ABHD2: variants seen among roughly 807,000 people sequenced by gnomAD.
ABHD2 encodes the protein monoacylglycerol lipase ABHD2.
A neutral mutation model predicts 48.1 loss-of-function variants in ABHD2; 20 were observed. That is an observed-to-expected ratio of 0.42 (90% CI 0.29 to 0.60). ABHD2 has a LOEUF of 0.60. Among genes scored for constraint, ABHD2 ranks in the 20% least tolerant of loss-of-function variants. ABHD2 has a pLI of 0.24. For synonymous variants in ABHD2, 209 were observed against 214.2 expected (o/e 0.98, Z 0.21); for missense variants, 405 against 550.9 (o/e 0.74, Z 2.65).
intron 3 of ABHD2, among the ~76,000 whole-genome samples, chr15:89,138,916 G>C (rs67271213): frequency 0.19 from 28,885 of 151,010 alleles, 2,987 homozygotes; most frequent in Admixed American, 0.3. Context: ...GCTCAGAATT[G>C]TGAAGATTAA....
chr15:89,145,230 T>A (rs2050471457), intron 3 of ABHD2, among the ~76,000 whole-genome samples: 1 of 152,216 alleles, frequency 6.6e-6, no homozygotes, highest in Admixed American at 6.5e-5. Context: ...CACTCCAGCC[T>A]GGGCTACAGA....
Position 89,114,765 on chromosome 15 carries a change from G to C in ABHD2, c.-7+941G>C, listed in dbSNP as rs1313529491. 6.6e-6 allele frequency among the ~76,000 whole-genome samples: 1 copy of C among 152,194 alleles called. No homozygotes were observed. Among genetic ancestry groups the C allele is most frequent in the Non-Finnish European group, 1.5e-5 (1 of 68,032 alleles). On this transcript the variant is annotated intron_variant, in intron 2 of 10. Coordinates refer to ENST00000352732, the MANE Select transcript of ABHD2 (RefSeq NM_152924.5). This position sits in a 1 kb window ranked among gnomAD's most constrained non-coding sequence, Gnocchi z 4.2. ...TCCCAAAGTGCATGATTACAGGCAT[G>C]AGCCATGGTGCCCAGCCCAGAAGTT...
the ABHD2 span, among the ~76,000 whole-genome samples, chr15:89,058,672 G>C: frequency 2.0e-5 from 3 of 152,146 alleles, no homozygotes; most frequent in Admixed American, 2.0e-4. Flanking sequence ...TCTGGGTTGT[G>C]ACAGGCCAAG....
chr15:89,059,101 A>G, the ABHD2 span, among the ~76,000 whole-genome samples: 5 of 152,176 alleles, frequency 3.3e-5, no homozygotes. Context: ...AAGAAGCTCA[A>G]AAAGCCAAAT....
chr15:89,130,254 C>G (rs963837081), intron 3 of ABHD2, among the ~76,000 whole-genome samples: 7 of 152,188 alleles, frequency 4.6e-5, no homozygotes, highest in African/African-American at 1.7e-4. Context: ...ACTCATGCTA[C>G]GTGTTTATTT....
At chr15:89,079,263 C>T in the ABHD2 span, among the ~76,000 whole-genome samples, 1,620 of 152,296 alleles carry the variant, frequency 0.011, 14 homozygotes, top group Middle Eastern at 0.027. The surrounding 1 kb of genome is among the most constrained non-coding windows in gnomAD (Gnocchi z 4.3). Context: ...TAATCAAAGC[C>T]GCATAGGAAA....
chr15:89,201,786 C>T lies in ABHD2; in HGVS notation c.*6363C>T. 6 of 1,458,532 alleles carry T rather than the reference C, an allele frequency of 4.1e-6. No individual in the cohort carries two copies. Among genetic ancestry groups the T allele is most frequent in the Non-Finnish European group, 5.8e-6 (6 of 1,041,878 alleles). The allele number at this position is 1,458,532 out of a possible 1,614,324, so 90.3% of individuals were successfully genotyped here. A position where few individuals can be genotyped will look rare whatever the true frequency, so the allele number is the denominator to read the frequency against. On this transcript the variant is annotated 3_prime_UTR_variant, in exon 11 of 11. Coordinates refer to ENST00000352732, the MANE Select transcript of ABHD2 (RefSeq NM_152924.5). ...GATCTGCTCGTGCTTCGCCGTGGCC[C>T]CGGAGGCAGACGCCATTGGAGAGAC...
In ABHD2 at chr15:89,120,104, T is replaced by TC. The variant is rs770647888; in HGVS notation, c.194+3584dup. Among the ~76,000 whole-genome samples the TC allele has an allele frequency of 7.9e-4, 121 of 152,336 alleles. No individual in the cohort carries two copies. The Middle Eastern group carries it at 0.034, about 43-fold the overall frequency. ...AAAAAAAGTTGATGAAAGGTGAACA[T>TC]CGAAAGCATGCTCGAGGAGCAGGGA... On this transcript the variant is annotated intron_variant, in intron 3 of 10. Coordinates refer to ENST00000352732, the MANE Select transcript of ABHD2 (RefSeq NM_152924.5). This position sits in a 1 kb window ranked among gnomAD's most constrained non-coding sequence, Gnocchi z 4.2.
rs765530856 is a variant in ABHD2 at position 89,116,437 on chromosome 15, G to A, written c.110G>A (p.Ser37Asn). The A allele has an allele frequency of 1.2e-6, 2 of 1,614,206 alleles. No homozygotes were observed. The highest frequency in any genetic ancestry group is 2.2e-5 in the South Asian group (2 of 91,088). ...ATCGTCCGGTGTTTGAACCTGAAGAGCCCCACAGCCCCACCTGACCTCTAC... is the reference window on the plus strand; with the variant it reads ...ATCGTCCGGTGTTTGAACCTGAAGAACCCCACAGCCCCACCTGACCTCTAC... ...YVIVRCLNLKSPTAPPDLYFQ... is the reference protein window; with the variant it reads ...YVIVRCLNLKNPTAPPDLYFQ... The change falls in exon 3 of 11, where the codon AGC becomes AAC. Residue 37 changes from serine (S) to asparagine (N), a missense_variant. Ser to Asn is a conservative substitution (Grantham distance 46, BLOSUM62 1). Transcript: ENST00000352732. The surrounding 1 kb of genome is among the most constrained non-coding windows in gnomAD (Gnocchi z 4.6).
the ABHD2 span, chr15:89,041,094 A>G: frequency 6.6e-6 from 1 of 152,254 alleles, no homozygotes; most frequent in Admixed American, 6.5e-5. Flanking sequence ...GAACCCAACT[A>G]TTGTGCTGCA....
rs1317316773 is a variant in ABHD2 at position 89,117,645 on chromosome 15, G to A, written c.194+1124G>A. ...TCAGAGAGATGTCTTCCTCAAGTGTGTCCGTTCAGCACATGACTAATGCAG... is the reference window on the plus strand; with the variant it reads ...TCAGAGAGATGTCTTCCTCAAGTGTATCCGTTCAGCACATGACTAATGCAG... On this transcript the variant is annotated intron_variant, in intron 3 of 10. Transcript: ENST00000352732. Among the ~76,000 whole-genome samples, 6 of 152,328 alleles carry A rather than the reference G, an allele frequency of 3.9e-5. No homozygotes were observed. In the East Asian group the frequency reaches 9.6e-4, roughly 24 times the overall value.
rs1048611803 is a variant in ABHD2 at position 89,200,869 on chromosome 15, G to T, written c.*5446G>T. 5 of 364,080 alleles carry T rather than the reference G, an allele frequency of 1.4e-5. No individual in the cohort carries two copies. The highest frequency in any genetic ancestry group is 3.4e-5 in the South Asian group (1 of 29,782). 22.6% of individuals were successfully genotyped at this position (364,080 alleles called of 1,614,324 possible). A position where few individuals can be genotyped will look rare whatever the true frequency, so the allele number is the denominator to read the frequency against. On this transcript the variant is annotated 3_prime_UTR_variant, in exon 11 of 11. Coordinates refer to ENST00000352732, the MANE Select transcript of ABHD2 (RefSeq NM_152924.5). ...GGCCGAGGCGGGTAGATCACCTGAG[G>T]TTAGGAGTTCAAGACCAGCCTGGCC...
the ABHD2 span, among the ~76,000 whole-genome samples, chr15:89,058,101 T>C: frequency 6.6e-6 from 1 of 152,188 alleles, no homozygotes; most frequent in East Asian, 1.9e-4. Context: ...TGAAGTATGC[T>C]CCATCCTTCC....
the ABHD2 span, among the ~76,000 whole-genome samples, chr15:89,062,726 G>A: frequency 2.0e-5 from 3 of 152,022 alleles, no homozygotes; most frequent in East Asian, 1.9e-4. Context: ...GAAGGCCAGG[G>A]GTTGGGGAGT....
intron 3 of ABHD2, among the ~76,000 whole-genome samples, chr15:89,135,003 C>A (rs2050279767): frequency 1.3e-5 from 2 of 152,122 alleles, no homozygotes; most frequent in Admixed American, 6.5e-5. Flanking sequence ...AGATGTAGTA[C>A]AAATGCTGAT....
chr15:89,042,587 CTTA>C, the ABHD2 span, among the ~76,000 whole-genome samples: 15 of 141,920 alleles, frequency 1.1e-4, no homozygotes, highest in African/African-American at 3.9e-4. Context: ...TTCTTTCTTT[CTTA>C]TTTATTTATT....
In ABHD2 at chr15:89,188,818, G is replaced by T. The variant is rs2051256703; in HGVS notation, c.926+515G>T. On this transcript the variant is annotated intron_variant, in intron 8 of 10. Transcript: ENST00000352732. This position sits in a 1 kb window ranked among gnomAD's most constrained non-coding sequence, Gnocchi z 4.1. Reference sequence around the variant, plus strand: ...CGCTTGAGCCCAGGAGGTTGAAGCTGCAGTGAGCCATGTTCATGCCATTGC... The same window carrying T: ...CGCTTGAGCCCAGGAGGTTGAAGCTTCAGTGAGCCATGTTCATGCCATTGC... 6.6e-6 allele frequency among the ~76,000 whole-genome samples: 1 copy of T among 151,498 alleles called. No homozygotes were observed. Among genetic ancestry groups the T allele is most frequent in the Non-Finnish European group, 1.5e-5 (1 of 67,960 alleles).
At position 89,155,437 on chromosome 15, in the gene ABHD2, T is replaced by C; in HGVS notation, c.441T>C (p.Val147=). 1.2e-6 allele frequency: 2 copies of C among 1,614,206 alleles called. No individual in the cohort carries two copies. The highest frequency in any genetic ancestry group is 1.7e-6 in the Non-Finnish European group (2 of 1,180,032). ...HSEKQYIRTF[V]DYAQKNGYRC... ...AGAAGCAATACATCCGCACTTTCGTTGACTACGCCCAGAAAAATGGCTATC... is the reference window on the plus strand; with the variant it reads ...AGAAGCAATACATCCGCACTTTCGTCGACTACGCCCAGAAAAATGGCTATC... The change falls in exon 5 of 11, where the codon GTT becomes GTC. Residue 147 remains valine (V), a synonymous_variant. Coordinates refer to ENST00000352732, the MANE Select transcript of ABHD2 (RefSeq NM_152924.5). The surrounding 1 kb of genome is among the most constrained non-coding windows in gnomAD (Gnocchi z 4.9).
the ABHD2 span, among the ~76,000 whole-genome samples, chr15:89,057,587 G>T: frequency 6.6e-6 from 1 of 152,150 alleles, no homozygotes; most frequent in Non-Finnish European, 1.5e-5. Flanking sequence ...AGCCATGGTC[G>T]TGGAATCACG....
Sources: gnomAD v4.1 joint callset for allele counts (sites outside exome capture counted in the v4.1 genomes callset) on GRCh38, gnomAD v4.1.1 for gene constraint, Gnocchi (gnomAD v3.1) non-coding constraint, MANE v1.5 for transcripts, NCBI Gene and HGNC (gene_info 2026-07-23, HGNC 2026-07-21) for gene names.